The following CCDC148 variants were observed in gnomAD, a reference collection of about 807,000 sequenced individuals.
CCDC148 encodes coiled-coil domain containing 148, also known as coiled-coil domain-containing protein 148.
Under a neutral mutation model 85.7 loss-of-function variants are expected in CCDC148, and 89 were observed. That is an observed-to-expected ratio of 1.04 (90% CI 0.87 to 1.24). The LOEUF is 1.24. CCDC148 is among the 50% of genes most tolerant of loss of function. The probability of loss-of-function intolerance (pLI) is 0.00; values close to 1 mark genes in which losing one functional copy is unlikely to be tolerated. For synonymous variants in CCDC148, 230 were observed against 213.9 expected (o/e 1.08, Z -0.66); for missense variants, 692 against 671.7 (o/e 1.03, Z -0.33).
intron 9 of CCDC148, among the ~76,000 whole-genome samples, chr2:158,278,504 C>G (rs1376286847): frequency 6.6e-6 from 1 of 152,206 alleles, no homozygotes; most frequent in Non-Finnish European, 1.5e-5. Flanking sequence ...GGTCCTTCAC[C>G]CATGGAGTCT....
At chr2:158,239,047 G>A (rs776310437) in intron 10 of CCDC148, among the ~76,000 whole-genome samples, 1 of 152,082 alleles carries the variant, frequency 6.6e-6, no homozygotes, top group African/African-American at 2.4e-5. Context: ...GATCATATAA[G>A]TATCTACCCC....
intron 11 of CCDC148, among the ~76,000 whole-genome samples, chr2:158,198,629 A>C (rs530535546): frequency 2.0e-4 from 31 of 152,058 alleles, no homozygotes; most frequent in Non-Finnish European, 3.5e-4. Flanking sequence ...TTTTTGGCTG[A>C]TATCTTCAGA....
chr2:158,310,546 G>A (rs1691934395), intron 8 of CCDC148, among the ~76,000 whole-genome samples: 1 of 151,350 alleles, frequency 6.6e-6, no homozygotes, highest in Admixed American at 6.6e-5. Flanking sequence ...CCAGGTAGAG[G>A]CGCCCCCCAC....
intron 1 of CCDC148, among the ~76,000 whole-genome samples, chr2:158,429,412 T>C (rs558001865): frequency 6.6e-6 from 1 of 150,838 alleles, no homozygotes; most frequent in Admixed American, 6.6e-5. Context: ...TAGGAATACT[T>C]AGAACTAAGC....
chr2:158,256,221 G>T (rs1436037677), intron 9 of CCDC148, among the ~76,000 whole-genome samples: 2 of 151,720 alleles, frequency 1.3e-5, no homozygotes, highest in African/African-American at 4.8e-5. Context: ...TAAAGGAAAT[G>T]AATATTGAAC....
chr2:158,238,243 T>C (rs187196889), intron 10 of CCDC148, among the ~76,000 whole-genome samples: 243 of 151,680 alleles, frequency 1.6e-3, no homozygotes, highest in Middle Eastern at 3.4e-3. Flanking sequence ...GGGAGAGAAA[T>C]TGGGATAAAC....
At chr2:158,393,592 A>C (rs1259809568) in intron 1 of CCDC148, among the ~76,000 whole-genome samples, 1 of 152,154 alleles carries the variant, frequency 6.6e-6, no homozygotes, top group East Asian at 1.9e-4. Context: ...CCAAGTGGGC[A>C]GACTCAGATA....
chr2:158,287,501 G>A (rs1048345000), intron 9 of CCDC148, among the ~76,000 whole-genome samples: 2 of 152,066 alleles, frequency 1.3e-5, no homozygotes, highest in South Asian at 4.1e-4. Context: ...TTTAATGGGA[G>A]AAATTGGCCA....
At chr2:158,234,757 GA>G (rs1431253682) in intron 10 of CCDC148, among the ~76,000 whole-genome samples, 1 of 151,978 alleles carries the variant, frequency 6.6e-6, no homozygotes, top group Admixed American at 6.6e-5. Context: ...TGGTCAATAA[GA>G]AAAAAATCTT....
chr2:158,346,453 C>T (rs1002162808), intron 2 of CCDC148, among the ~76,000 whole-genome samples: 2 of 152,298 alleles, frequency 1.3e-5, no homozygotes, highest in East Asian at 1.9e-4. Context: ...CTCTGACCTA[C>T]TGATGGCAGT....
chr2:158,337,591 T>C (rs1257500160), intron 7 of CCDC148, among the ~76,000 whole-genome samples: 1 of 151,936 alleles, frequency 6.6e-6, no homozygotes, highest in Admixed American at 6.6e-5. Flanking sequence ...TACTGCAAGA[T>C]AGGAAAGAAG....
At chr2:158,374,772 A>T (rs891226721) in intron 1 of CCDC148, among the ~76,000 whole-genome samples, 1 of 151,984 alleles carries the variant, frequency 6.6e-6, no homozygotes, top group Non-Finnish European at 1.5e-5. Flanking sequence ...ACATACAGTC[A>T]TCTCTCAGTA....
chr2:158,215,554 T>A (rs1034019518), intron 11 of CCDC148, among the ~76,000 whole-genome samples: 15 of 152,016 alleles, frequency 9.9e-5, no homozygotes, highest in East Asian at 1.9e-4. Context: ...TTTTTTTTTT[T>A]AAATTATACT....
At chr2:158,253,817 G>C (rs1243222503) in intron 9 of CCDC148, among the ~76,000 whole-genome samples, 1 of 151,470 alleles carries the variant, frequency 6.6e-6, no homozygotes, top group Non-Finnish European at 1.5e-5. Context: ...ATAATGAATG[G>C]ATCAAGCTGG....
At chr2:158,293,272 G>A (rs1052376325) in intron 9 of CCDC148, among the ~76,000 whole-genome samples, 1 of 152,186 alleles carries the variant, frequency 6.6e-6, no homozygotes, top group African/African-American at 2.4e-5. Context: ...GTAAAGAGCA[G>A]ATCTCCAGAG....
chr2:158,399,791 A>G (rs1239688323), intron 1 of CCDC148, among the ~76,000 whole-genome samples: 1 of 152,162 alleles, frequency 6.6e-6, no homozygotes, highest in Non-Finnish European at 1.5e-5. Flanking sequence ...CAGGCAAGAG[A>G]ATGAAATAAA....
intron 11 of CCDC148, among the ~76,000 whole-genome samples, chr2:158,194,380 G>A (rs959770722): frequency 6.6e-5 from 10 of 152,112 alleles, no homozygotes; most frequent in Admixed American, 3.3e-4. Context: ...GTCAGCATTT[G>A]CTCACCAGAT....
intron 9 of CCDC148, among the ~76,000 whole-genome samples, chr2:158,284,760 A>G (rs1690536356): frequency 6.6e-6 from 1 of 152,190 alleles, no homozygotes; most frequent in African/African-American, 2.4e-5. Context: ...CTAGTAAATA[A>G]CCAAAGTGCA....
intron 8 of CCDC148, among the ~76,000 whole-genome samples, chr2:158,310,150 C>T (rs966651962): frequency 6.6e-6 from 1 of 152,170 alleles, no homozygotes; most frequent in African/African-American, 2.4e-5. Context: ...TGCCTTCAAG[C>T]ATCTGTTTAA....
Sources: gnomAD v4.1 joint callset for allele counts (sites outside exome capture counted in the v4.1 genomes callset) on GRCh38, gnomAD v4.1.1 for gene constraint, MANE v1.5 for transcripts, NCBI Gene and HGNC (gene_info 2026-07-23, HGNC 2026-07-21) for gene names.